NEBL: variants seen among roughly 807,000 people sequenced by gnomAD.
NEBL encodes nebulette, also known as LIM and SH3 protein 2.
In NEBL, 122 loss-of-function variants were observed where a neutral mutation model predicts 140.2. The ratio of observed to expected loss-of-function variants is 0.87; its 90% confidence interval spans 0.75 to 1.01. NEBL has a LOEUF of 1.01. Ranked by LOEUF, NEBL falls within the 50% of genes least tolerant of loss-of-function variation. NEBL has a pLI of 0.00. For missense variants in NEBL, 1,365 were observed against 1,231.3 expected (o/e 1.11, Z -1.62); for synonymous variants, 436 against 398.9 (o/e 1.09, Z -1.11).
chr10:20,879,817 G>A (rs1845846182), intron 5 of NEBL, among the ~76,000 whole-genome samples: 1 of 151,750 alleles, frequency 6.6e-6, no homozygotes, highest in African/African-American at 2.4e-5. Flanking sequence ...AAGTCAGGAT[G>A]AGGAGATTTT....
At chr10:20,921,361 A>G (rs952514281) in intron 4 of NEBL, among the ~76,000 whole-genome samples, 1 of 152,184 alleles carries the variant, frequency 6.6e-6, no homozygotes, top group African/African-American at 2.4e-5. Flanking sequence ...TGAGCACTGC[A>G]TCTCCTGGGC....
chr10:21,122,901 A>G (rs1480396110), intron 2 of NEBL, among the ~76,000 whole-genome samples: 1 of 152,148 alleles, frequency 6.6e-6, no homozygotes, highest in Non-Finnish European at 1.5e-5. Context: ...CCTCCAGTGA[A>G]TACTCTCATC....
chr10:21,188,598 C>CTTTTTT (rs774673307), intron 3 of NEBL, among the ~76,000 whole-genome samples: 1 of 125,912 alleles, frequency 7.9e-6, no homozygotes. Context: ...ATAGTAAAAT[C>CTTTTTT]TTTTTTTTTT....
At chr10:20,860,090 T>C (rs1180511467) in intron 7 of NEBL, among the ~76,000 whole-genome samples, 2 of 152,116 alleles carry the variant, frequency 1.3e-5, no homozygotes, top group African/African-American at 2.4e-5. Flanking sequence ...TACCAACATT[T>C]TTAAATGTCA....
At chr10:20,973,594 T>C (rs1313879971) in intron 3 of NEBL, among the ~76,000 whole-genome samples, 1 of 152,172 alleles carries the variant, frequency 6.6e-6, no homozygotes, top group African/African-American at 2.4e-5. Flanking sequence ...ACCTATAATT[T>C]GATCTACCCA....
At chr10:21,128,715 A>G (rs1016419272) in intron 2 of NEBL, among the ~76,000 whole-genome samples, 4 of 152,174 alleles carry the variant, frequency 2.6e-5, no homozygotes, top group African/African-American at 9.7e-5. Flanking sequence ...CCAAATCTCA[A>G]CTCTCAACTT....
intron 4 of NEBL, among the ~76,000 whole-genome samples, chr10:20,882,500 T>C (rs1297232611): frequency 6.6e-6 from 1 of 152,196 alleles, no homozygotes; most frequent in African/African-American, 2.4e-5. Flanking sequence ...CTTGGGCGCA[T>C]GTCTGTCTCA....
At position 21,020,378 on chromosome 10, in the gene NEBL, G is replaced by C. The variant is rs1392833855; in HGVS notation, c.165-177C>G. 3.3e-5 allele frequency among the ~76,000 whole-genome samples: 5 copies of C among 152,050 alleles called. No individual in the cohort carries two copies. The South Asian group carries it at 1.0e-3, about 32-fold the overall frequency. On this transcript the variant is annotated intron_variant, in intron 2 of 6. Coordinates refer to the NEBL transcript ENST00000417816. ...TTCCAGACCTCATCCCATTCTCATG[G>C]CTCTGTCGCCCAGACATCCTCACTC...
intron 4 of NEBL, among the ~76,000 whole-genome samples, chr10:20,928,396 G>T (rs1423318573): frequency 6.6e-6 from 1 of 152,142 alleles, no homozygotes; most frequent in African/African-American, 2.4e-5. Flanking sequence ...TCTGGGTCAG[G>T]CTATGCCATC....
chr10:20,834,730 C>A (rs1394995288), intron 14 of NEBL, among the ~76,000 whole-genome samples: 2 of 152,218 alleles, frequency 1.3e-5, no homozygotes, highest in Non-Finnish European at 2.9e-5. Flanking sequence ...TCTTCACATA[C>A]ACTTTTTATA....
chr10:21,019,641 C>T (rs1361188002), intron 3 of NEBL, among the ~76,000 whole-genome samples: 3 of 152,176 alleles, frequency 2.0e-5, no homozygotes, highest in Non-Finnish European at 4.4e-5. Flanking sequence ...CATCTTTGTT[C>T]ATGCTGTCAA....
intron 26 of NEBL, among the ~76,000 whole-genome samples, chr10:20,792,568 G>A (rs1032390158): frequency 2.6e-5 from 4 of 152,100 alleles, no homozygotes; most frequent in African/African-American, 4.8e-5. Flanking sequence ...TTGGGAGGCC[G>A]AGGCAGGCAG....
chr10:21,020,033 AG>A (rs1268838690), intron 3 of NEBL: 2 of 1,198,676 alleles, frequency 1.7e-6, no homozygotes, highest in Non-Finnish European at 2.5e-6. Context: ...CAGCAGGAAC[AG>A]TACGAAGACA....
chr10:21,146,605 C>T (rs929364899), intron 2 of NEBL: 18 of 847,594 alleles, frequency 2.1e-5, no homozygotes, highest in South Asian at 1.2e-4. Context: ...TCTTAGCAAC[C>T]GTTGCTTAGT....
chr10:20,791,506 C>T (rs183857568), intron 26 of NEBL, among the ~76,000 whole-genome samples: 9 of 152,132 alleles, frequency 5.9e-5, no homozygotes, highest in Admixed American at 5.2e-4. Flanking sequence ...TGGACTCAAG[C>T]GATCCTCCTG....
Position 21,074,795 on chromosome 10 carries a change from T to TTTG in NEBL, c.165-54597_165-54595dup, listed in dbSNP as rs71747504. ...ACCTGGCCATATAGATATATATATT[T>TTTG]TTGTTGTTGTTGTTGTTGTTGTTGT... On this transcript the variant is annotated intron_variant, in intron 2 of 6. Coordinates refer to the NEBL transcript ENST00000417816. 8.8e-4 allele frequency among the ~76,000 whole-genome samples: 131 copies of TTTG among 148,874 alleles called. 1 individual carries two copies. The highest frequency in any genetic ancestry group is 8.2e-3 in the South Asian group (38 of 4,632).
intron 3 of NEBL, among the ~76,000 whole-genome samples, chr10:21,226,828 A>C (rs1842157270): frequency 6.6e-6 from 1 of 150,808 alleles, no homozygotes; most frequent in African/African-American, 2.5e-5. Context: ...GAAGGTAGAC[A>C]CAGGTACTGT....
At chr10:21,110,771 A>T in intron 2 of NEBL, 1 of 530,422 alleles carries the variant, frequency 1.9e-6, no homozygotes, top group South Asian at 1.5e-5. Context: ...GATGAAAATG[A>T]GCACCAATTA....
chr10:21,132,295 T>C (rs1473547228), intron 2 of NEBL, among the ~76,000 whole-genome samples: 1 of 152,230 alleles, frequency 6.6e-6, no homozygotes, highest in Non-Finnish European at 1.5e-5. Context: ...CATCATGTTA[T>C]ATTAACAGCA....
Sources: allele counts gnomAD v4.1 joint callset (sites outside exome capture counted in the v4.1 genomes callset), GRCh38; gene constraint gnomAD v4.1.1; transcripts MANE v1.5; gene names NCBI Gene and HGNC (gene_info 2026-07-23, HGNC 2026-07-21).